Variants in SHC3 observed in about 807,000 individuals in gnomAD.
SHC3 encodes SHC-transforming protein 3.
A neutral mutation model predicts 60.4 loss-of-function variants in SHC3; 15 were observed. The observed-to-expected ratio is 0.25, with a 90% CI of 0.17 to 0.38. The LOEUF (loss-of-function observed/expected upper bound fraction) is 0.38. Among genes scored for constraint, SHC3 ranks in the 10% least tolerant of loss-of-function variants. The pLI, the probability that SHC3 is intolerant of heterozygous loss-of-function variation, is 1.00. For synonymous variants in SHC3, 294 were observed against 325.9 expected (o/e 0.90, Z 1.05); for missense variants, 677 against 786.1 (o/e 0.86, Z 1.66).
At chr9:89,118,153 C>CT (rs144062856) in intron 1 of SHC3, among the ~76,000 whole-genome samples, 7,043 of 149,674 alleles carry the variant, frequency 0.047, 268 homozygotes, top group African/African-American at 0.1. Context: ...TTCCAAGGCA[C>CT]TTTTTTTTTA....
At chr9:89,051,705 T>C (rs748221278) in intron 7 of SHC3, among the ~76,000 whole-genome samples, 5 of 152,188 alleles carry the variant, frequency 3.3e-5, no homozygotes, top group Admixed American at 1.3e-4. Context: ...GGTGGTAACA[T>C]AGACCCAAAG....
intron 1 of SHC3, among the ~76,000 whole-genome samples, chr9:89,121,112 T>G (rs541123323): frequency 6.6e-6 from 1 of 152,232 alleles, no homozygotes; most frequent in African/African-American, 2.4e-5. Flanking sequence ...CAAATCATAT[T>G]CATACTCTTA....
intron 1 of SHC3, among the ~76,000 whole-genome samples, chr9:89,174,898 C>G (rs1826921031): frequency 6.6e-6 from 1 of 152,230 alleles, no homozygotes; most frequent in South Asian, 2.1e-4. Flanking sequence ...CACCGTGGAT[C>G]TGAGGACAGA....
chr9:89,137,901 A>T (rs919688841), intron 1 of SHC3, among the ~76,000 whole-genome samples: 5 of 152,212 alleles, frequency 3.3e-5, no homozygotes, highest in African/African-American at 9.6e-5. Context: ...AACAGCCCAT[A>T]GTACAAAGAC....
chr9:89,142,867 C>T (rs1338178669), intron 1 of SHC3, among the ~76,000 whole-genome samples: 2 of 151,984 alleles, frequency 1.3e-5, no homozygotes, highest in African/African-American at 2.4e-5. Context: ...CAGTATCATA[C>T]CTTTGGAGTT....
chr9:89,017,927 A>G (rs1021629697), intron 11 of SHC3, among the ~76,000 whole-genome samples: 2 of 152,272 alleles, frequency 1.3e-5, no homozygotes, highest in Non-Finnish European at 2.9e-5. Flanking sequence ...AGAAATGCAA[A>G]TCAAAACCAC....
At chr9:89,048,257 A>G (rs1241534912) in intron 7 of SHC3, among the ~76,000 whole-genome samples, 1 of 146,024 alleles carries the variant, frequency 6.8e-6, no homozygotes, top group African/African-American at 2.6e-5. Context: ...AAAAAAAAAA[A>G]GGTAGAAGTA....
chr9:89,162,264 A>C (rs925170555), intron 1 of SHC3, among the ~76,000 whole-genome samples: 2 of 150,930 alleles, frequency 1.3e-5, no homozygotes, highest in Non-Finnish European at 2.9e-5. Context: ...TATGGAACCA[A>C]AAAAGAGCCC....
intron 1 of SHC3, among the ~76,000 whole-genome samples, chr9:89,168,188 G>C (rs779141177): frequency 6.6e-6 from 1 of 152,144 alleles, no homozygotes; most frequent in Non-Finnish European, 1.5e-5. Flanking sequence ...TATTTGGGTC[G>C]GGCACGGTGG....
chr9:89,103,600 T>G (rs1441027750), intron 2 of SHC3, among the ~76,000 whole-genome samples: 2 of 152,216 alleles, frequency 1.3e-5, no homozygotes, highest in African/African-American at 4.8e-5. Context: ...AAGTGTTGTT[T>G]GAAGCAATGA....
chr9:89,135,602 G>C (rs1452366390), intron 1 of SHC3, among the ~76,000 whole-genome samples: 1 of 152,062 alleles, frequency 6.6e-6, no homozygotes, highest in South Asian at 2.1e-4. Context: ...TGGGATAATA[G>C]AGAGAGAGAA....
chr9:89,027,307 T>G (rs575814971), intron 11 of SHC3, among the ~76,000 whole-genome samples: 5 of 149,202 alleles, frequency 3.4e-5, no homozygotes, highest in Admixed American at 3.3e-4. Flanking sequence ...AGTAGACAAC[T>G]AGTGATGGGT....
At chr9:89,059,383 AGTGGAGGATGCAGTAGAGGATGATG>A (rs1825027422) in intron 6 of SHC3, among the ~76,000 whole-genome samples, 1 of 114,812 alleles carries the variant, frequency 8.7e-6, no homozygotes, top group Non-Finnish European at 1.8e-5. Context: ...TGGAGGACGT[AGTGGAGGATGCAGTAGAGGATGATG>A]GTGGAGGATT....
At position 89,046,916 on chromosome 9, in the gene SHC3, G is replaced by T. The variant is rs147512584; in HGVS notation, c.1041C>A (p.Ser347Arg). The change falls in exon 8 of 12, where the codon AGC becomes AGA. Residue 347 changes from serine to arginine, a missense_variant. Ser to Arg is a moderately radical substitution (Grantham distance 110). Transcript: ENST00000375835. ...SDHPYYNSIP[S>R]KMPPPGGFLD... The stretch of plus-strand genomic sequence containing the variant: ...GAAAGCCCCCTGGAGGAGGCATCTT[G>T]CTTGGGATGCTGTTGTAGTATGGGT... 6.2e-7 allele frequency: 1 copy of T among 1,611,530 alleles called. No homozygotes were observed. Among genetic ancestry groups the T allele is most frequent in the Non-Finnish European group, 8.5e-7 (1 of 1,178,954 alleles).
chr9:89,149,439 A>G (rs1221295079), intron 1 of SHC3, among the ~76,000 whole-genome samples: 1 of 152,196 alleles, frequency 6.6e-6, no homozygotes, highest in African/African-American at 2.4e-5. Flanking sequence ...ATCTAGGGAA[A>G]TAATCAAAAA....
intron 2 of SHC3, among the ~76,000 whole-genome samples, chr9:89,102,845 G>GA (rs1172416347): frequency 6.6e-6 from 1 of 152,194 alleles, no homozygotes; most frequent in African/African-American, 2.4e-5. Flanking sequence ...AGAAGTAGAT[G>GA]AAAAATGGTC....
rs1203165670 is a variant in SHC3, at chr9:89,067,445, C to T, written c.784-1865G>A. Among the ~76,000 whole-genome samples the T allele has an allele frequency of 2.0e-5, 3 of 152,168 alleles. No individual in the cohort carries two copies. The South Asian group carries it at 6.2e-4, about 32-fold the overall frequency. ...AGAGTAACTGGGATCATTTAGGTGA[C>T]CACTGTGTTATCAAGTTCTGCACAC... On this transcript the variant is annotated intron_variant, in intron 5 of 11. Coordinates refer to ENST00000375835, the MANE Select transcript of SHC3 (RefSeq NM_016848.6).
At chr9:89,071,379 A>T in intron 4 of SHC3, 127 bp from the exon 5 acceptor site, 1 of 855,980 alleles carries the variant, frequency 1.2e-6, no homozygotes, top group South Asian at 1.7e-5. Context: ...CTATATAAAA[A>T]TAATGATTAT....
intron 2 of SHC3, among the ~76,000 whole-genome samples, chr9:89,082,658 T>C (rs1042976125): frequency 2.0e-5 from 3 of 152,082 alleles, no homozygotes; most frequent in South Asian, 4.1e-4. Context: ...TGCAGCAAAA[T>C]AGATTCTCAC....
Sources: allele counts gnomAD v4.1 joint callset (sites outside exome capture counted in the v4.1 genomes callset), GRCh38; gene constraint gnomAD v4.1.1; transcripts MANE v1.5; gene names NCBI Gene and HGNC (gene_info 2026-07-23, HGNC 2026-07-21).